Variants in DAB1 observed in about 807,000 individuals in gnomAD.
The protein encoded by DAB1 is DAB adaptor protein 1, also known as disabled homolog 1.
A neutral mutation model predicts 64.6 loss-of-function variants in DAB1; 15 were observed. That is an observed-to-expected ratio of 0.23 (90% CI 0.16 to 0.36). The LOEUF (loss-of-function observed/expected upper bound fraction) is 0.36. Among genes scored for constraint, DAB1 ranks in the 10% least tolerant of loss-of-function variants. The pLI, the probability that DAB1 is intolerant of heterozygous loss-of-function variation, is 1.00. For synonymous variants in DAB1, 235 were observed against 251.9 expected (o/e 0.93, Z 0.64); for missense variants, 596 against 706.7 (o/e 0.84, Z 1.78).
intron 2 of DAB1, among the ~76,000 whole-genome samples, chr1:57,246,363 T>C (rs1373381368): frequency 6.6e-6 from 1 of 152,220 alleles, no homozygotes; most frequent in Admixed American, 6.5e-5. Context: ...TCTTGGGCTA[T>C]TGCTTCAGAG....
intron 5 of DAB1, among the ~76,000 whole-genome samples, chr1:58,114,450 T>C (rs1234928213): frequency 1.3e-5 from 2 of 152,144 alleles, no homozygotes; most frequent in Non-Finnish European, 2.9e-5. Flanking sequence ...TAGGTAGACA[T>C]AACCAACCCT....
intron 5 of DAB1, among the ~76,000 whole-genome samples, chr1:57,977,565 G>A (rs1286460236): frequency 1.3e-5 from 2 of 152,140 alleles, no homozygotes; most frequent in African/African-American, 2.4e-5. Context: ...TGAACACTAA[G>A]AATAGAATTT....
intron 7 of DAB1, among the ~76,000 whole-genome samples, chr1:57,547,346 T>A (rs1347788214): frequency 6.6e-6 from 1 of 152,212 alleles, no homozygotes; most frequent in African/African-American, 2.4e-5. Context: ...GTACCTAAAA[T>A]TTAAAGCTTC....
chr1:58,211,751 GAC>G (rs1557697463), intron 4 of DAB1, among the ~76,000 whole-genome samples: 1 of 152,074 alleles, frequency 6.6e-6, no homozygotes, highest in African/African-American at 2.4e-5. Context: ...AAAAAACTGA[GAC>G]AACGAGAGAT....
chr1:57,305,295 C>A (rs1381320932), intron 1 of DAB1, among the ~76,000 whole-genome samples: 2 of 152,140 alleles, frequency 1.3e-5, no homozygotes, highest in Admixed American at 6.5e-5. Flanking sequence ...GTCTAGGAAG[C>A]AGCAAACCCA....
At chr1:57,063,523 A>G (rs1246926830) in intron 8 of DAB1, among the ~76,000 whole-genome samples, 1 of 152,144 alleles carries the variant, frequency 6.6e-6, no homozygotes, top group East Asian at 1.9e-4. Flanking sequence ...GAAGATCTTG[A>G]GGGCGTTTAA....
At chr1:57,901,139 G>A (rs1389605956) in intron 5 of DAB1, among the ~76,000 whole-genome samples, 1 of 152,136 alleles carries the variant, frequency 6.6e-6, no homozygotes, top group African/African-American at 2.4e-5. Flanking sequence ...GCAAGCCTGA[G>A]AGTTGCAGCA....
At chr1:58,470,220 T>C (rs1265489447) in intron 3 of DAB1, among the ~76,000 whole-genome samples, 4 of 151,874 alleles carry the variant, frequency 2.6e-5, no homozygotes, top group African/African-American at 9.7e-5. Context: ...GTCACCCAGG[T>C]TGGAGTGCAG....
intron 4 of DAB1, among the ~76,000 whole-genome samples, chr1:58,300,610 AAGAGAG>A (rs770388855): frequency 6.6e-4 from 31 of 47,044 alleles, no homozygotes; most frequent in African/African-American, 1.6e-3. Flanking sequence ...GAAAGAAAGA[AAGAGAG>A]AGAGAGAGAG....
At chr1:57,423,311 C>A (rs1685074219) in intron 1 of DAB1, among the ~76,000 whole-genome samples, 1 of 151,848 alleles carries the variant, frequency 6.6e-6, no homozygotes, top group Non-Finnish European at 1.5e-5. Context: ...ACAGAGTCCA[C>A]AGAGGATCCG....
chr1:57,313,106 G>GT (rs1430722398), intron 1 of DAB1, among the ~76,000 whole-genome samples: 1 of 152,186 alleles, frequency 6.6e-6, no homozygotes, highest in Non-Finnish European at 1.5e-5. Context: ...CAGTGCCCCA[G>GT]TTTTTAGGCA....
intron 5 of DAB1, among the ~76,000 whole-genome samples, chr1:58,083,973 C>A (rs777043329): frequency 6.6e-5 from 10 of 152,128 alleles, no homozygotes; most frequent in Admixed American, 5.2e-4. Flanking sequence ...AGGAGGTTAC[C>A]TGCTTGCTGT....
At chr1:58,384,726 G>A (rs976918711) in intron 3 of DAB1, among the ~76,000 whole-genome samples, 3 of 152,184 alleles carry the variant, frequency 2.0e-5, no homozygotes, top group African/African-American at 4.8e-5. Flanking sequence ...AGGCCCAAAG[G>A]CCCCTGGAAA....
chr1:57,526,101 C>T lies in DAB1; in HGVS notation n.625+123491G>A, dbSNP rs1644590079. On this transcript the variant is annotated intron_variant and non_coding_transcript_variant, in intron 7 of 20. Coordinates refer to the DAB1 transcript ENST00000485760. ...TATAGGCACCCGCCACCACACCCAGCTAATTTTTGTATTTTCAGTAGAGAC... is the reference window on the plus strand; with the variant it reads ...TATAGGCACCCGCCACCACACCCAGTTAATTTTTGTATTTTCAGTAGAGAC... Among the ~76,000 whole-genome samples the T allele has an allele frequency of 1.3e-5, 2 of 152,050 alleles. 1 individual carries two copies. Among genetic ancestry groups the T allele is most frequent in the South Asian group, 4.1e-4 (2 of 4,824 alleles).
chr1:57,420,733 C>G lies in DAB1; in HGVS notation c.-137+3197G>C, dbSNP rs554287863. On this transcript the variant is annotated intron_variant, in intron 1 of 14. Transcript: ENST00000371236. ...TTTCTCCATAAAATTGCTCCAAGAC[C>G]CACAAGGTAGGTAATATTGTCCGTT... is the stretch of plus-strand genomic sequence containing the variant. 1.8e-4 allele frequency among the ~76,000 whole-genome samples: 27 copies of G among 152,278 alleles called. No homozygotes were observed. The South Asian group carries it at 5.4e-3, about 30-fold the overall frequency.
chr1:58,040,726 A>C (rs1028622466), intron 5 of DAB1, among the ~76,000 whole-genome samples: 1 of 152,134 alleles, frequency 6.6e-6, no homozygotes, highest in Non-Finnish European at 1.5e-5. Context: ...ATGTACAGAA[A>C]CTGCAGTCTA....
At chr1:57,024,193 C>T (rs911075920) in intron 10 of DAB1, among the ~76,000 whole-genome samples, 5 of 151,790 alleles carry the variant, frequency 3.3e-5, no homozygotes, top group African/African-American at 9.7e-5. Context: ...CCCCCGTCAG[C>T]GCCCCAGATT....
At chr1:57,983,173 T>C (rs1240161131) in intron 5 of DAB1, among the ~76,000 whole-genome samples, 3 of 152,204 alleles carry the variant, frequency 2.0e-5, no homozygotes, top group South Asian at 2.1e-4. Flanking sequence ...TCTCTCTGAA[T>C]CAGATTTATG....
intron 1 of DAB1, among the ~76,000 whole-genome samples, chr1:57,295,338 T>C (rs911808011): frequency 3.9e-5 from 6 of 152,192 alleles, no homozygotes; most frequent in Non-Finnish European, 5.9e-5. Context: ...AAAAGACAGA[T>C]GAAAATGTAG....
Sources: gnomAD v4.1 joint callset for allele counts (sites outside exome capture counted in the v4.1 genomes callset) on GRCh38, gnomAD v4.1.1 for gene constraint, MANE v1.5 for transcripts, NCBI Gene and HGNC (gene_info 2026-07-23, HGNC 2026-07-21) for gene names.